Variants in PEX5 observed in about 807,000 individuals in gnomAD.
PEX5 encodes peroxisomal biogenesis factor 5.
A neutral mutation model predicts 82.9 loss-of-function variants in PEX5; 52 were observed. The observed-to-expected ratio is 0.63, with a 90% CI of 0.50 to 0.79. The LOEUF (loss-of-function observed/expected upper bound fraction) is 0.79. Among genes scored for constraint, PEX5 ranks in the 30% least tolerant of loss-of-function variants. The probability of loss-of-function intolerance (pLI) is 0.00; values close to 1 mark genes in which losing one functional copy is unlikely to be tolerated. For missense variants in PEX5, 719 were observed against 815.2 expected, an observed-to-expected ratio of 0.88 and a Z score of 1.44; for synonymous variants, 300 against 318.8, an observed-to-expected ratio of 0.94 and a Z score of 0.63.
chr12:7,193,145 CTG>C (rs1941458364), intron 5 of PEX5, among the ~76,000 whole-genome samples: 1 of 151,804 alleles, frequency 6.6e-6, no homozygotes. Flanking sequence ...GATGAGGAGA[CTG>C]AGATTTGGAA....
intron 5 of PEX5, among the ~76,000 whole-genome samples, chr12:7,194,809 A>G (rs1482686263): frequency 6.6e-6 from 1 of 152,236 alleles, no homozygotes; most frequent in Non-Finnish European, 1.5e-5. Context: ...ATAATTGGCA[A>G]CAGATCTTTT....
At chr12:7,196,956 TGTCACATATA>T (rs1942496317) in intron 5 of PEX5, among the ~76,000 whole-genome samples, 1 of 16,212 alleles carries the variant, frequency 6.2e-5, no homozygotes, top group African/African-American at 1.3e-4. Context: ...AATAATTATA[TGTCACATATA>T]ATGTAATAAT....
intron 14 of PEX5, 98 bp from the exon 15 acceptor site, chr12:7,209,585 C>G (rs200824664): frequency 5.3e-6 from 1 of 187,406 alleles, no homozygotes; most frequent in Non-Finnish European, 9.4e-6. Context: ...AGTGAAACAG[C>G]TGGAGTAATG....
chr12:7,209,538 A>G, intron 14 of PEX5, 145 bp from the exon 15 acceptor site: 1 of 282,594 alleles, frequency 3.5e-6, no homozygotes, highest in Non-Finnish European at 6.3e-6. Context: ...CGAACTGTTG[A>G]GAATGGAATG....
In PEX5 at chr12:7,204,110, T is replaced by C. The variant is rs549053622; in HGVS notation, c.966+559T>C. On this transcript the variant is annotated intron_variant, in intron 10 of 15. Transcript: ENST00000675855. ...ATTGCATTTTGCCTATAGCATGTGC[T>C]GTTGACTTAGAAGCATATGTTACTT... Among the ~76,000 whole-genome samples, 169 of 152,370 alleles carry C rather than the reference T, an allele frequency of 1.1e-3. 1 individual carries two copies. Among genetic ancestry groups the C allele is most frequent in the Non-Finnish European group, 2.0e-3 (137 of 68,038 alleles).
chr12:7,211,690 A>T (rs1945584321), downstream of PEX5, among the ~76,000 whole-genome samples: 1 of 152,044 alleles, frequency 6.6e-6, no homozygotes, highest in Non-Finnish European at 1.5e-5. Context: ...ATGAATTTTT[A>T]CTCCTGTTAC....
At chr12:7,190,855 G>C in intron 2 of PEX5, 33 bp from the exon 3 acceptor site, 1 of 1,606,924 alleles carries the variant, frequency 6.2e-7, no homozygotes, top group Non-Finnish European at 8.5e-7. Context: ...TAGAGGAACT[G>C]CGTCATTGTA....
Position 7,191,744 on chromosome 12 carries a change from A to G in PEX5, c.448+44A>G, listed in dbSNP as rs1171668198. Reference sequence around the variant, plus strand: ...AAATCTATATTGGCTTCTATGGGACAGAATTCTATACCCTTCCCCTGTTCA... The same window carrying G: ...AAATCTATATTGGCTTCTATGGGACGGAATTCTATACCCTTCCCCTGTTCA... On this transcript the variant is annotated intron_variant, in intron 5 of 15. Coordinates refer to ENST00000675855, the MANE Select transcript of PEX5 (RefSeq NM_001351132.2). 2.6e-6 allele frequency: 4 copies of G among 1,566,172 alleles called. No homozygotes were observed. The Admixed American group carries it at 6.7e-5, about 26-fold the overall frequency.
At chr12:7,209,218 T>C in intron 14 of PEX5, 48 bp downstream of exon 14, 2 of 1,585,076 alleles carry the variant, frequency 1.3e-6, no homozygotes, top group Non-Finnish European at 1.7e-6. Context: ...TGTACCTTAT[T>C]GAAGAGCCAT....
intron 17 of PEX5, among the ~76,000 whole-genome samples, chr12:7,216,999 G>C (rs753792036): frequency 6.6e-6 from 1 of 152,040 alleles, no homozygotes; most frequent in Non-Finnish European, 1.5e-5. Flanking sequence ...CAATGTAGTA[G>C]TTACTTTTAA....
At position 7,197,242 on chromosome 12, in the gene PEX5, TTA is replaced by T. The variant is rs778579687; in HGVS notation, c.449-1765_449-1764del. On this transcript the variant is annotated intron_variant, in intron 5 of 15. Coordinates refer to ENST00000675855, the MANE Select transcript of PEX5 (RefSeq NM_001351132.2). ...TAATTATATATGTCATATGTAATAA[TTA>T]TATGTCATATGTAATAATTATATAT... is the stretch of plus-strand genomic sequence containing the variant. Among the ~76,000 whole-genome samples, 61 of 10,674 alleles carry T rather than the reference TTA, an allele frequency of 5.7e-3. 20 individuals are homozygous for T. The highest frequency in any genetic ancestry group is 0.014 in the East Asian group (10 of 732). 7.0% of individuals were successfully genotyped at this position (10,674 alleles called of 152,430 possible).
chr12:7,208,219 G>T (rs1945063036), intron 12 of PEX5, 139 bp downstream of exon 12: 2 of 791,824 alleles, frequency 2.5e-6, no homozygotes, highest in Non-Finnish European at 4.4e-6. Flanking sequence ...AACTCTGAGG[G>T]TTGGAGTGAA....
chr12:7,198,263 T>C (rs1405751544), intron 5 of PEX5, among the ~76,000 whole-genome samples: 1 of 152,204 alleles, frequency 6.6e-6, no homozygotes, highest in Non-Finnish European at 1.5e-5. Flanking sequence ...TAGTGTTTAC[T>C]TCTGGGGGCT....
chr12:7,204,850 T>C (rs984807403), intron 10 of PEX5, among the ~76,000 whole-genome samples: 9 of 151,938 alleles, frequency 5.9e-5, no homozygotes, highest in Non-Finnish European at 1.3e-4. Context: ...CATAGAACAA[T>C]GTGACAAATT....
chr12:7,214,722 TAAA>T (rs992414206), downstream of PEX5, among the ~76,000 whole-genome samples: 1 of 135,016 alleles, frequency 7.4e-6, no homozygotes, highest in Admixed American at 7.0e-5. Flanking sequence ...ATAATAATAA[TAAA>T]ATAAAAAAAG....
downstream of PEX5, among the ~76,000 whole-genome samples, chr12:7,213,792 C>G (rs1355086794): frequency 6.7e-6 from 1 of 150,136 alleles, no homozygotes; most frequent in African/African-American, 2.4e-5. Flanking sequence ...AACAGGCAAC[C>G]TACAAAATGG....
chr12:7,208,926 T>A (rs1020393527), intron 13 of PEX5, 79 bp from the exon 14 acceptor site: 1 of 1,266,268 alleles, frequency 7.9e-7, no homozygotes, highest in Admixed American at 1.7e-5. Flanking sequence ...ATATGGTTGA[T>A]CAATGAAGAA....
chr12:7,193,137 TGAG>T (rs919078566), intron 5 of PEX5, among the ~76,000 whole-genome samples: 2 of 152,008 alleles, frequency 1.3e-5, no homozygotes, highest in African/African-American at 4.8e-5. Flanking sequence ...ATTTTATAGA[TGAG>T]GAGACTGAGA....
Position 7,210,337 on chromosome 12 carries a change from C to A in PEX5, c.*114C>A. On this transcript the variant is annotated 3_prime_UTR_variant, in exon 16 of 16. Coordinates refer to ENST00000675855, the MANE Select transcript of PEX5 (RefSeq NM_001351132.2). Reference sequence around the variant, plus strand: ...GGCGGGCTGATGACCATAAGCGGTACGGCCTTTCAGGAGCTGCCTCAACGT... The same window carrying A: ...GGCGGGCTGATGACCATAAGCGGTAAGGCCTTTCAGGAGCTGCCTCAACGT... 1.0e-6 allele frequency: 1 copy of A among 972,208 alleles called. No homozygotes were observed. Among genetic ancestry groups the A allele is most frequent in the Non-Finnish European group, 1.6e-6 (1 of 614,900 alleles). The allele number at this position is 972,208 out of a possible 1,614,324, so 60.2% of individuals were successfully genotyped here.
Sources: allele counts gnomAD v4.1 joint callset (sites outside exome capture counted in the v4.1 genomes callset), GRCh38; gene constraint gnomAD v4.1.1; transcripts MANE v1.5; gene names NCBI Gene and HGNC (gene_info 2026-07-23, HGNC 2026-07-21).